RGS6: variants seen among roughly 807,000 people sequenced by gnomAD.
RGS6 encodes regulator of G-protein signaling 6.
In RGS6, 30 loss-of-function variants were observed where a neutral mutation model predicts 78.5. That is an observed-to-expected ratio of 0.38 (90% CI 0.29 to 0.52). RGS6 has a LOEUF of 0.52. Among genes scored for constraint, RGS6 ranks in the 20% least tolerant of loss-of-function variants. RGS6 has a pLI of 0.85. For synonymous variants in RGS6, 206 were observed against 206.0 expected, an observed-to-expected ratio of 1.00 and a Z score of 0.00; for missense variants, 495 against 609.7, an observed-to-expected ratio of 0.81 and a Z score of 1.98.
intron 2 of RGS6, among the ~76,000 whole-genome samples, chr14:72,211,554 A>G (rs913967565): frequency 6.6e-6 from 1 of 152,198 alleles, no homozygotes; most frequent in African/African-American, 2.4e-5. Flanking sequence ...TAGATGGGAG[A>G]TATTTGAATA....
At chr14:72,291,273 A>G (rs185679767) in intron 2 of RGS6, among the ~76,000 whole-genome samples, 95 of 151,658 alleles carry the variant, frequency 6.3e-4, no homozygotes, top group African/African-American at 2.1e-3. Flanking sequence ...TCCCTCAAAT[A>G]CCCAGCATCC....
intron 2 of RGS6, among the ~76,000 whole-genome samples, chr14:72,216,537 A>G (rs562548061): frequency 3.9e-5 from 6 of 152,348 alleles, no homozygotes; most frequent in Non-Finnish European, 7.3e-5. Flanking sequence ...TGTGAAATGT[A>G]ATAAGGCAAT....
chr14:72,007,245 T>C (rs2153225689), intron 2 of RGS6, among the ~76,000 whole-genome samples: 1 of 152,252 alleles, frequency 6.6e-6, no homozygotes, highest in South Asian at 2.1e-4. Context: ...CAGGACTTGC[T>C]GGTTTTAAAG....
chr14:72,395,149 G>A (rs998178440), intron 3 of RGS6, among the ~76,000 whole-genome samples: 4 of 152,042 alleles, frequency 2.6e-5, no homozygotes, highest in African/African-American at 9.7e-5. Context: ...AAGAAAAATG[G>A]CAGTATGTTT....
At chr14:72,052,851 ATTTC>A (rs1329315644) in intron 2 of RGS6, among the ~76,000 whole-genome samples, 1 of 151,752 alleles carries the variant, frequency 6.6e-6, no homozygotes, top group East Asian at 1.9e-4. Context: ...TGTGGATCCG[ATTTC>A]AGACCCCCAG....
chr14:72,065,602 C>A (rs2094106341), intron 2 of RGS6, among the ~76,000 whole-genome samples: 1 of 152,148 alleles, frequency 6.6e-6, no homozygotes, highest in African/African-American at 2.4e-5. Flanking sequence ...CTTAAAACAA[C>A]AATAACAGAT....
intron 2 of RGS6, among the ~76,000 whole-genome samples, chr14:72,157,952 C>T (rs1465093137): frequency 6.6e-6 from 1 of 152,030 alleles, no homozygotes. Context: ...ATCAACCTGC[C>T]ATCTACATTA....
At chr14:71,997,048 G>GA (rs1192137555) in intron 2 of RGS6, among the ~76,000 whole-genome samples, 2 of 151,816 alleles carry the variant, frequency 1.3e-5, no homozygotes, top group Admixed American at 6.6e-5. Context: ...TGGAAGAGGA[G>GA]AGGCCATTCG....
intron 2 of RGS6, among the ~76,000 whole-genome samples, chr14:72,058,820 C>T (rs2093748826): frequency 6.6e-6 from 1 of 152,200 alleles, no homozygotes; most frequent in African/African-American, 2.4e-5. Context: ...TTATATTAGA[C>T]TACATCCAAG....
chr14:72,066,959 G>A (rs2094180920), intron 2 of RGS6, among the ~76,000 whole-genome samples: 2 of 152,062 alleles, frequency 1.3e-5, no homozygotes, highest in Admixed American at 1.3e-4. Flanking sequence ...ATGGTTTCCA[G>A]CTTCATCCAT....
At chr14:72,392,374 A>G (rs2090205387) in intron 3 of RGS6, among the ~76,000 whole-genome samples, 1 of 152,098 alleles carries the variant, frequency 6.6e-6, no homozygotes, top group Non-Finnish European at 1.5e-5. Flanking sequence ...GCTGGGACCC[A>G]CAGGCACACA....
At chr14:72,235,158 C>T (rs920856687) in intron 2 of RGS6, among the ~76,000 whole-genome samples, 2 of 152,152 alleles carry the variant, frequency 1.3e-5, no homozygotes, top group Non-Finnish European at 2.9e-5. Flanking sequence ...GGTAAGTGGC[C>T]TGAGGTAGGT....
the RGS6 span, chr14:72,594,698 G>C: frequency 2.0e-5 from 3 of 152,186 alleles, no homozygotes; most frequent in Non-Finnish European, 4.4e-5. Context: ...ATATTTAAAA[G>C]TTAATTGCCA....
At chr14:72,301,851 C>G (rs1337426587) in intron 2 of RGS6, among the ~76,000 whole-genome samples, 6 of 152,308 alleles carry the variant, frequency 3.9e-5, no homozygotes, top group Middle Eastern at 3.4e-3. Context: ...TAGGGACCCA[C>G]ACTACTCCAG....
At chr14:71,941,202 A>G (rs558146353) in intron 1 of RGS6, among the ~76,000 whole-genome samples, 1 of 152,306 alleles carries the variant, frequency 6.6e-6, no homozygotes, top group Non-Finnish European at 1.5e-5. Context: ...CTATGTACAG[A>G]GTCGCTAAAC....
At chr14:72,550,798 AGCTT>A (rs780137302) in intron 17 of RGS6, 8 of 585,328 alleles carry the variant, frequency 1.4e-5, no homozygotes, top group Admixed American at 3.6e-5. Context: ...CTTTAATCAT[AGCTT>A]GCTTGCTTGC....
intron 2 of RGS6, among the ~76,000 whole-genome samples, chr14:72,165,324 C>T (rs2096909974): frequency 6.6e-6 from 1 of 152,222 alleles, no homozygotes; most frequent in Admixed American, 6.5e-5. Flanking sequence ...TTGTGGGGAA[C>T]AGAATCTGTC....
upstream of RGS6, among the ~76,000 whole-genome samples, chr14:71,931,419 A>G (rs1182136844): frequency 6.6e-6 from 1 of 152,240 alleles, no homozygotes; most frequent in Non-Finnish European, 1.5e-5. Context: ...CTATTGAAGG[A>G]AAGAATGAAT....
At chr14:71,991,249 GTTAT>G in intron 2 of RGS6, among the ~76,000 whole-genome samples, 1 of 152,282 alleles carries the variant, frequency 6.6e-6, no homozygotes, top group South Asian at 2.1e-4. Context: ...ACCTTGCACA[GTTAT>G]TTATCTCAGA....
Sources: gnomAD v4.1 joint callset for allele counts (sites outside exome capture counted in the v4.1 genomes callset) on GRCh38, gnomAD v4.1.1 for gene constraint, MANE v1.5 for transcripts, NCBI Gene and HGNC (gene_info 2026-07-23, HGNC 2026-07-21) for gene names.